EHMT1: variants seen among roughly 807,000 people sequenced by gnomAD.
The protein encoded by EHMT1 is histone-lysine N-methyltransferase EHMT1.
Under a neutral mutation model 147.2 loss-of-function variants are expected in EHMT1, and 15 were observed. That is an observed-to-expected ratio of 0.10 (90% CI 0.07 to 0.16). The LOEUF (loss-of-function observed/expected upper bound fraction) is 0.16. Ranked by LOEUF, EHMT1 falls within the 10% of genes least tolerant of loss-of-function variation. EHMT1 has a pLI of 1.00. For missense variants in EHMT1, 1,587 were observed against 1,772.4 expected (o/e 0.90, Z 1.88); for synonymous variants, 795 against 709.6 (o/e 1.12, Z -1.91).
chr9:137,740,994 T>TTTTA (rs1273758152), intron 4 of EHMT1, among the ~76,000 whole-genome samples: 1 of 150,916 alleles, frequency 6.6e-6, no homozygotes, highest in Admixed American at 6.6e-5. Flanking sequence ...TTTGTTTGTT[T>TTTTA]GAGACAGAGT....
intron 1 of EHMT1, chr9:137,637,389 C>T (rs920803808): frequency 7.2e-5 from 11 of 151,954 alleles, no homozygotes; most frequent in Admixed American, 2.0e-4. Flanking sequence ...TGGCCAGGCT[C>T]GTCTTGAACT....
chr9:137,766,133 A>G (rs10867065), intron 10 of EHMT1, among the ~76,000 whole-genome samples: 37,009 of 152,060 alleles, frequency 0.24, 5,213 homozygotes, highest in Admixed American at 0.38. Context: ...GCCCCTTTGT[A>G]GTACTCTTGA....
chr9:137,829,847 G>A (rs1232152331), intron 25 of EHMT1, among the ~76,000 whole-genome samples: 6 of 152,222 alleles, frequency 3.9e-5, no homozygotes, highest in African/African-American at 1.4e-4. Context: ...GTCCCATAGG[G>A]AGCTTTATGG....
chr9:137,635,874 C>T (rs566016862), intron 1 of EHMT1, among the ~76,000 whole-genome samples: 2 of 151,988 alleles, frequency 1.3e-5, no homozygotes, highest in African/African-American at 2.4e-5. Flanking sequence ...GTAGTTATTT[C>T]TTACAAGTAT....
intron 1 of EHMT1, chr9:137,620,021 G>A (rs1443271172): frequency 1.3e-5 from 2 of 152,186 alleles, no homozygotes; most frequent in African/African-American, 4.8e-5. Context: ...GTAGTAAGAA[G>A]CCGTACAGTA....
chr9:137,798,688 T>C (rs1953171889), intron 16 of EHMT1, 125 bp from the exon 17 acceptor site: 1 of 819,366 alleles, frequency 1.2e-6, no homozygotes, highest in African/African-American at 1.7e-5. Flanking sequence ...GGTTTCCTTG[T>C]CATTTGAGCA....
rs1164380606 is a variant in EHMT1, at chr9:137,835,174, G to A, written c.*221G>A. The A allele has an allele frequency of 2.2e-6, 1 of 457,702 alleles. No homozygotes were observed. The highest frequency in any genetic ancestry group is 4.0e-5 in the East Asian group (1 of 24,710). 28.4% of individuals were successfully genotyped at this position (457,702 alleles called of 1,614,324 possible). On this transcript the variant is annotated 3_prime_UTR_variant, in exon 27 of 27. Transcript: ENST00000460843. ...GGCCTCACCGCGGGCCCAGTGCCCA[G>A]GCTGGAGCGCACACTTTGGTCCGCG...
Position 137,776,519 on chromosome 9 carries a change from C to A in EHMT1, c.1792-99C>A. On this transcript the variant is annotated intron_variant, in intron 11 of 26. Transcript: ENST00000460843. The surrounding 1 kb of genome is among the most constrained non-coding windows in gnomAD (Gnocchi z 4.4). Reference sequence around the variant, plus strand: ...CCGACCCATGGCTCACTCTGCAGACCGCCCGATGTGGGATGCGGTGCCAGT... The same window carrying A: ...CCGACCCATGGCTCACTCTGCAGACAGCCCGATGTGGGATGCGGTGCCAGT... The A allele has an allele frequency of 8.1e-7, 1 of 1,238,116 alleles. No homozygotes were observed. Among genetic ancestry groups the A allele is most frequent in the Non-Finnish European group, 1.2e-6 (1 of 867,264 alleles). The allele number at this position is 1,238,116 out of a possible 1,614,324, so 76.7% of individuals were successfully genotyped here. A position where few individuals can be genotyped will look rare whatever the true frequency, so the allele number is the denominator to read the frequency against.
At chr9:137,719,207 T>A (rs1270162638) in intron 3 of EHMT1, among the ~76,000 whole-genome samples, 3 of 152,234 alleles carry the variant, frequency 2.0e-5, no homozygotes, top group Non-Finnish European at 4.4e-5. Flanking sequence ...TGACTTTTTT[T>A]TCCTCTCAGA....
intron 1 of EHMT1, among the ~76,000 whole-genome samples, chr9:137,710,586 T>A (rs1362403345): frequency 6.6e-6 from 1 of 152,214 alleles, no homozygotes; most frequent in African/African-American, 2.4e-5. Context: ...ATTTCTATAA[T>A]TTTTTGTAGG....
intron 25 of EHMT1, chr9:137,832,594 T>C (rs746668992): frequency 6.8e-5 from 10 of 147,880 alleles, no homozygotes. Context: ...CTGGGCTCTC[T>C]CCGCAGGCCC....
intron 18 of EHMT1, chr9:137,803,032 C>T (rs1308250715): frequency 3.2e-6 from 4 of 1,231,028 alleles, no homozygotes; most frequent in Non-Finnish European, 4.0e-6. Flanking sequence ...TCACCCACCG[C>T]CCCCGGAGAC....
chr9:137,811,400 C>T, intron 18 of EHMT1, 61 bp from the exon 19 acceptor site: 1 of 1,603,198 alleles, frequency 6.2e-7, no homozygotes, highest in Non-Finnish European at 8.5e-7. Flanking sequence ...TGCTGTGGCC[C>T]AGCCCCAGCA....
chr9:137,795,870 T>C (rs896983197), intron 16 of EHMT1, among the ~76,000 whole-genome samples: 1 of 151,554 alleles, frequency 6.6e-6, no homozygotes, highest in Non-Finnish European at 1.5e-5. Flanking sequence ...ATAAAACAAA[T>C]AGAGCTTTTC....
At chr9:137,760,382 T>C (rs1949712441) in intron 9 of EHMT1, among the ~76,000 whole-genome samples, 1 of 152,194 alleles carries the variant, frequency 6.6e-6, no homozygotes, top group South Asian at 2.1e-4. Context: ...GGTTTGTGTG[T>C]GTTTTCTCCT....
chr9:137,762,208 G>A (rs1422914961), intron 9 of EHMT1, among the ~76,000 whole-genome samples: 3 of 151,942 alleles, frequency 2.0e-5, no homozygotes, highest in African/African-American at 7.2e-5. Flanking sequence ...TATTGTAGTA[G>A]GTGAGTGAGA....
At chr9:137,777,824 TC>T in intron 12 of EHMT1, 57 bp from the exon 13 acceptor site, 1 of 1,605,060 alleles carries the variant, frequency 6.2e-7, no homozygotes, top group Non-Finnish European at 8.5e-7. Flanking sequence ...GCAGTCAGAG[TC>T]GGAACAGGCC....
intron 1 of EHMT1, among the ~76,000 whole-genome samples, chr9:137,687,521 T>C (rs72766912): frequency 0.071 from 10,835 of 152,182 alleles, 515 homozygotes; most frequent in Middle Eastern, 0.19. Flanking sequence ...GTTTAGGTAG[T>C]GCTGTTGCCT....
chr9:137,635,799 G>A (rs1012139084), intron 1 of EHMT1, among the ~76,000 whole-genome samples: 35 of 151,572 alleles, frequency 2.3e-4, no homozygotes, highest in South Asian at 6.3e-4. Flanking sequence ...CAGCCTGGGC[G>A]ACAGAGCGAG....
Sources: gnomAD v4.1 joint callset for allele counts (sites outside exome capture counted in the v4.1 genomes callset) on GRCh38, gnomAD v4.1.1 for gene constraint, Gnocchi (gnomAD v3.1) non-coding constraint, MANE v1.5 for transcripts, NCBI Gene and HGNC (gene_info 2026-07-23, HGNC 2026-07-21) for gene names.